The following CNTNAP2 variants were observed in gnomAD, a reference collection of about 807,000 sequenced individuals.
CNTNAP2 encodes contactin associated protein 2, also known as contactin-associated protein-like 2.
Under a neutral mutation model 155.2 loss-of-function variants are expected in CNTNAP2, and 98 were observed. That is an observed-to-expected ratio of 0.63 (90% CI 0.54 to 0.75). The LOEUF (loss-of-function observed/expected upper bound fraction) is 0.75, where lower values mean the gene tolerates loss of function less well. Ranked by LOEUF, CNTNAP2 falls within the 30% of genes least tolerant of loss-of-function variation. The pLI is 0.00. For missense variants in CNTNAP2, 1,727 were observed against 1,688.1 expected (o/e 1.02, Z -0.40); for synonymous variants, 651 against 631.2 (o/e 1.03, Z -0.47).
chr7:147,355,998 G>A (rs1302052982), intron 9 of CNTNAP2, among the ~76,000 whole-genome samples: 1 of 151,930 alleles, frequency 6.6e-6, no homozygotes, highest in African/African-American at 2.4e-5. Context: ...AAAATTTCAG[G>A]GCAATAACCC....
intron 1 of CNTNAP2, among the ~76,000 whole-genome samples, chr7:146,191,207 C>G (rs904777579): frequency 6.6e-6 from 1 of 152,016 alleles, no homozygotes; most frequent in African/African-American, 2.4e-5. Flanking sequence ...GAGTACAAAA[C>G]AGACAAATTT....
chr7:147,726,723 A>T (rs1306620590), intron 13 of CNTNAP2, among the ~76,000 whole-genome samples: 1 of 152,052 alleles, frequency 6.6e-6, no homozygotes, highest in African/African-American at 2.4e-5. Context: ...AACTAAATAC[A>T]TGATTTAATG....
At chr7:146,443,213 CTAAA>C (rs1444417438) in intron 1 of CNTNAP2, among the ~76,000 whole-genome samples, 7 of 139,406 alleles carry the variant, frequency 5.0e-5, no homozygotes, top group Admixed American at 3.7e-4. Context: ...GACTCCGTCT[CTAAA>C]TAAATAAATA....
chr7:147,459,986 C>G (rs1356348320), intron 10 of CNTNAP2, among the ~76,000 whole-genome samples: 1 of 152,016 alleles, frequency 6.6e-6, no homozygotes, highest in Non-Finnish European at 1.5e-5. Flanking sequence ...ACACCAGGGC[C>G]TGTCAGGGGA....
intron 1 of CNTNAP2, among the ~76,000 whole-genome samples, chr7:146,470,086 G>A (rs554579589): frequency 6.5e-4 from 99 of 151,504 alleles, no homozygotes; most frequent in African/African-American, 2.2e-3. Context: ...TGATCTGCCC[G>A]TCTCGGCCTC....
At chr7:146,241,280 C>T (rs1174034215) in intron 1 of CNTNAP2, among the ~76,000 whole-genome samples, 1 of 152,144 alleles carries the variant, frequency 6.6e-6, no homozygotes, top group African/African-American at 2.4e-5. Flanking sequence ...CTCTTCAGTC[C>T]TCTAAAATGA....
intron 5 of CNTNAP2, among the ~76,000 whole-genome samples, 162 bp downstream of exon 5, chr7:147,108,512 T>C (rs1271971697): frequency 6.6e-6 from 1 of 152,186 alleles, no homozygotes; most frequent in East Asian, 1.9e-4. Context: ...AAACACCTAG[T>C]CATTCAAAAA....
At chr7:146,712,189 AT>A (rs1801097291) in intron 1 of CNTNAP2, among the ~76,000 whole-genome samples, 3 of 123,016 alleles carry the variant, frequency 2.4e-5, no homozygotes, top group African/African-American at 9.1e-5. Flanking sequence ...TACATATCTT[AT>A]GTATACAAAT....
chr7:147,966,705 C>A (rs1801219301), intron 14 of CNTNAP2, among the ~76,000 whole-genome samples: 1 of 152,046 alleles, frequency 6.6e-6, no homozygotes, highest in Admixed American at 6.6e-5. Context: ...TCAGCATATT[C>A]CGTCTGCCCA....
At chr7:146,798,374 C>T (rs1025741312) in intron 2 of CNTNAP2, among the ~76,000 whole-genome samples, 1 of 152,088 alleles carries the variant, frequency 6.6e-6, no homozygotes, top group Non-Finnish European at 1.5e-5. Context: ...CAGGGTCTGG[C>T]TCTGTTGCCC....
intron 8 of CNTNAP2, among the ~76,000 whole-genome samples, chr7:147,193,069 C>T (rs1802714676): frequency 6.6e-6 from 1 of 152,150 alleles, no homozygotes; most frequent in Admixed American, 6.5e-5. Context: ...CATTGTGTGA[C>T]AATAATATAA....
chr7:147,319,084 C>A (rs563868644), intron 9 of CNTNAP2, among the ~76,000 whole-genome samples: 2 of 152,150 alleles, frequency 1.3e-5, no homozygotes, highest in South Asian at 4.1e-4. Context: ...ATAATTTATT[C>A]ATGTAACAAA....
At chr7:148,028,042 A>G (rs996954924) in intron 15 of CNTNAP2, among the ~76,000 whole-genome samples, 4 of 152,224 alleles carry the variant, frequency 2.6e-5, no homozygotes, top group Admixed American at 6.5e-5. Flanking sequence ...CATACTCATA[A>G]ACATTCTCTT....
intron 10 of CNTNAP2, among the ~76,000 whole-genome samples, chr7:147,461,480 G>C (rs1393086125): frequency 1.3e-5 from 2 of 152,054 alleles, no homozygotes; most frequent in East Asian, 3.9e-4. Flanking sequence ...CTGTAGAAGT[G>C]AACTGTTTGT....
At chr7:146,765,946 A>G (rs1233419599) in intron 1 of CNTNAP2, among the ~76,000 whole-genome samples, 3 of 152,106 alleles carry the variant, frequency 2.0e-5, no homozygotes, top group African/African-American at 7.2e-5. Context: ...GAGTGAATCT[A>G]GAGCTTAGTG....
intron 13 of CNTNAP2, among the ~76,000 whole-genome samples, chr7:147,897,656 C>G (rs1397797900): frequency 6.6e-6 from 1 of 152,168 alleles, no homozygotes; most frequent in East Asian, 1.9e-4. Context: ...CCTTTGTCCT[C>G]TCTCTATAAC....
chr7:147,402,262 G>A (rs184664918), intron 10 of CNTNAP2, among the ~76,000 whole-genome samples: 21 of 152,190 alleles, frequency 1.4e-4, no homozygotes, highest in Non-Finnish European at 2.2e-4. Context: ...TATGCAATAC[G>A]TTATCACCAC....
chr7:147,802,835 T>C (rs1798028854), intron 13 of CNTNAP2, among the ~76,000 whole-genome samples: 2 of 138,246 alleles, frequency 1.4e-5, no homozygotes, highest in African/African-American at 5.8e-5. Context: ...GGGAGAGCTC[T>C]ATGAAGTTTT....
At chr7:146,375,245 A>C (rs1018791420) in intron 1 of CNTNAP2, among the ~76,000 whole-genome samples, 9 of 152,204 alleles carry the variant, frequency 5.9e-5, no homozygotes, top group African/African-American at 1.7e-4. Context: ...CTGGTTGAAA[A>C]GAAATGCTTT....
Sources: gnomAD v4.1 joint callset for allele counts (sites outside exome capture counted in the v4.1 genomes callset) on GRCh38, gnomAD v4.1.1 for gene constraint, MANE v1.5 for transcripts, NCBI Gene and HGNC (gene_info 2026-07-23, HGNC 2026-07-21) for gene names.